Variants in CHCHD3 observed in about 807,000 individuals in gnomAD.
The protein encoded by CHCHD3 is coiled-coil-helix-coiled-coil-helix domain containing 3, also known as MICOS complex subunit MIC19.
CHCHD3 carries 20 observed loss-of-function variants against 38.2 expected under a neutral mutation model. The observed-to-expected ratio is 0.52, with a 90% CI of 0.37 to 0.76. CHCHD3 has a LOEUF of 0.76. Ranked by LOEUF, CHCHD3 falls within the 30% of genes least tolerant of loss-of-function variation. The pLI, the probability that CHCHD3 is intolerant of heterozygous loss-of-function variation, is 0.00. For synonymous variants in CHCHD3, 82 were observed against 100.0 expected, an observed-to-expected ratio of 0.82 and a Z score of 1.07; for missense variants, 245 against 279.2, an observed-to-expected ratio of 0.88 and a Z score of 0.87.
chr7:133,007,590 G>C (rs1812734468), intron 3 of CHCHD3, among the ~76,000 whole-genome samples: 1 of 152,030 alleles, frequency 6.6e-6, no homozygotes, highest in South Asian at 2.1e-4. Flanking sequence ...GCTCACTCCA[G>C]GTCCCTCCAA....
At chr7:132,837,206 G>A (rs910858075) in intron 6 of CHCHD3, among the ~76,000 whole-genome samples, 1 of 152,106 alleles carries the variant, frequency 6.6e-6, no homozygotes, top group Admixed American at 6.5e-5. Flanking sequence ...TATTCGGGGA[G>A]CCAACTCGAA....
intron 5 of CHCHD3, among the ~76,000 whole-genome samples, chr7:132,844,804 A>G (rs1808033732): frequency 6.6e-6 from 1 of 152,218 alleles, no homozygotes; most frequent in African/African-American, 2.4e-5. Context: ...TATATCTAAA[A>G]CAACAATATA....
chr7:132,937,853 T>C (rs1452985728), intron 4 of CHCHD3, among the ~76,000 whole-genome samples: 1 of 152,242 alleles, frequency 6.6e-6, no homozygotes, highest in African/African-American at 2.4e-5. Flanking sequence ...ATATGATGGC[T>C]GGTATTTCAG....
At chr7:133,015,573 A>G (rs1373874641) in intron 3 of CHCHD3, among the ~76,000 whole-genome samples, 1 of 152,156 alleles carries the variant, frequency 6.6e-6, no homozygotes, top group African/African-American at 2.4e-5. Flanking sequence ...CTAAAGGTTT[A>G]TAAGAGAAAA....
chr7:132,928,676 A>C (rs940158545), intron 4 of CHCHD3, among the ~76,000 whole-genome samples: 5 of 152,172 alleles, frequency 3.3e-5, no homozygotes, highest in Non-Finnish European at 2.9e-5. Context: ...CAGCCAGAGC[A>C]ACAGAGCAAG....
At chr7:133,041,072 G>A (rs1039186407) in intron 2 of CHCHD3, among the ~76,000 whole-genome samples, 2 of 152,162 alleles carry the variant, frequency 1.3e-5, no homozygotes, top group South Asian at 2.1e-4. Context: ...AAGGTCGCCT[G>A]TAGAATCAGA....
At chr7:132,899,827 AC>A (rs1473732198) in intron 4 of CHCHD3, among the ~76,000 whole-genome samples, 1 of 151,964 alleles carries the variant, frequency 6.6e-6, no homozygotes, top group Non-Finnish European at 1.5e-5. Context: ...AATATCTAAG[AC>A]CCCTCTAACA....
At chr7:132,939,269 A>G (rs1810704772) in intron 4 of CHCHD3, among the ~76,000 whole-genome samples, 1 of 152,220 alleles carries the variant, frequency 6.6e-6, no homozygotes, top group African/African-American at 2.4e-5. Flanking sequence ...AATAGTATAC[A>G]ACAATGTCCT....
At chr7:132,827,618 A>G (rs865896896) in intron 6 of CHCHD3, among the ~76,000 whole-genome samples, 1 of 152,194 alleles carries the variant, frequency 6.6e-6, no homozygotes, top group Non-Finnish European at 1.5e-5. Flanking sequence ...GAAGTTACAT[A>G]CCTGTATATA....
intron 5 of CHCHD3, among the ~76,000 whole-genome samples, chr7:132,871,596 G>A (rs1041488056): frequency 9.2e-5 from 14 of 152,162 alleles, no homozygotes; most frequent in African/African-American, 2.9e-4. Context: ...GTGCTACTCC[G>A]TTCTCACTTC....
chr7:133,034,508 C>CT (rs146912120), intron 2 of CHCHD3: 35,668 of 283,944 alleles, frequency 0.13, 7,585 homozygotes, highest in African/African-American at 0.23. Flanking sequence ...TGGATCCAGT[C>CT]TTTTTTTTTT....
At chr7:133,054,489 A>G (rs1378273159) in intron 2 of CHCHD3, among the ~76,000 whole-genome samples, 4 of 152,254 alleles carry the variant, frequency 2.6e-5, no homozygotes, top group Non-Finnish European at 1.5e-5. Flanking sequence ...TATACGGTAA[A>G]CATAAAAACA....
At chr7:132,874,758 G>C (rs1045418871) in intron 5 of CHCHD3, among the ~76,000 whole-genome samples, 2 of 152,124 alleles carry the variant, frequency 1.3e-5, no homozygotes, top group South Asian at 2.1e-4. Context: ...ATGCAAGCTT[G>C]AATCAATGGA....
rs529365378 is a variant in CHCHD3, at chr7:132,871,193, T to C, written c.453+14469A>G. Among the ~76,000 whole-genome samples, 8 of 152,344 alleles carry C rather than the reference T, an allele frequency of 5.3e-5. No individual in the cohort carries two copies. The East Asian group carries it at 9.6e-4, about 18-fold the overall frequency. On this transcript the variant is annotated intron_variant, in intron 5 of 7. Transcript: ENST00000262570. ...TATTTCCATAAATTTAGTTACTTTATATAACTTGAGCCTCTATTTAGACTA... is the reference window on the plus strand; with the variant it reads ...TATTTCCATAAATTTAGTTACTTTACATAACTTGAGCCTCTATTTAGACTA...
intron 6 of CHCHD3, among the ~76,000 whole-genome samples, chr7:132,820,351 A>G (rs1563245173): frequency 6.6e-6 from 1 of 152,220 alleles, no homozygotes; most frequent in Non-Finnish European, 1.5e-5. Flanking sequence ...GAGTAATAGT[A>G]TTAAGATAGC....
At chr7:132,824,165 TACA>T (rs1279735708) in intron 6 of CHCHD3, among the ~76,000 whole-genome samples, 2 of 152,162 alleles carry the variant, frequency 1.3e-5, no homozygotes, top group Non-Finnish European at 2.9e-5. Flanking sequence ...AATAAACGTA[TACA>T]ACATCTATGC....
chr7:133,019,337 G>C (rs1163771821), intron 3 of CHCHD3, among the ~76,000 whole-genome samples: 1 of 151,998 alleles, frequency 6.6e-6, no homozygotes, highest in Non-Finnish European at 1.5e-5. Context: ...TAAAAATCAA[G>C]ATAAATTATC....
At position 132,984,842 on chromosome 7, in the gene CHCHD3, GGAGGGAGGTGGGGGTCAGCCCCCCACCC is replaced by G. The variant is rs1008581071; in HGVS notation, c.252-9584_252-9557del. ...CTCCGCCCGGCAGCCACCCGGTCTG[GGAGGGAGGTGGGGGTCAGCCCCCCACCC>G]GGCCAGCCGCCCCATCCGGGAGGGA... is the stretch of plus-strand genomic sequence containing the variant. On this transcript the variant is annotated intron_variant, in intron 3 of 7. Coordinates refer to ENST00000262570, the MANE Select transcript of CHCHD3 (RefSeq NM_017812.4). Among the ~76,000 whole-genome samples the G allele has an allele frequency of 2.6e-4, 31 of 119,418 alleles. 1 individual carries two copies. Among genetic ancestry groups the G allele is most frequent in the Non-Finnish European group, 2.6e-4 (14 of 54,652 alleles). 78.3% of individuals were successfully genotyped at this position (119,418 alleles called of 152,430 possible). A position where few individuals can be genotyped will look rare whatever the true frequency, so the allele number is the denominator to read the frequency against.
At chr7:132,928,065 T>C (rs1443658562) in intron 4 of CHCHD3, among the ~76,000 whole-genome samples, 1 of 151,706 alleles carries the variant, frequency 6.6e-6, no homozygotes, top group Non-Finnish European at 1.5e-5. Context: ...AGCTAAAGAG[T>C]AGGCTGGGGA....
Sources: allele counts gnomAD v4.1 joint callset (sites outside exome capture counted in the v4.1 genomes callset), GRCh38; gene constraint gnomAD v4.1.1; transcripts MANE v1.5; gene names NCBI Gene and HGNC (gene_info 2026-07-23, HGNC 2026-07-21).